VPS13A: variants seen among roughly 807,000 people sequenced by gnomAD.
The protein encoded by VPS13A is vacuolar protein sorting 13 homolog A.
In VPS13A, 264 loss-of-function variants were observed where a neutral mutation model predicts 390.9. That is an observed-to-expected ratio of 0.68 (90% CI 0.61 to 0.75). VPS13A has a LOEUF of 0.75. Ranked by LOEUF, VPS13A falls within the 30% of genes least tolerant of loss-of-function variation. VPS13A has a pLI of 0.00. For missense variants in VPS13A, 3,409 were observed against 3,733.9 expected (o/e 0.91, Z 2.27); for synonymous variants, 1,231 against 1,227.1 (o/e 1.00, Z -0.07).
At chr9:77,353,156 A>G (rs995455559) in intron 53 of VPS13A, among the ~76,000 whole-genome samples, 3 of 152,110 alleles carry the variant, frequency 2.0e-5, no homozygotes, top group Non-Finnish European at 2.9e-5. Context: ...TTTTATTAAA[A>G]TGTTTAAATT....
chr9:77,206,687 T>C (rs1391156626), intron 5 of VPS13A, among the ~76,000 whole-genome samples: 3 of 152,196 alleles, frequency 2.0e-5, no homozygotes, highest in Non-Finnish European at 2.9e-5. Context: ...ACCTAGTGGG[T>C]TTTTTGCCTT....
chr9:77,225,166 GT>G (rs1335037736), intron 13 of VPS13A, among the ~76,000 whole-genome samples: 1 of 152,194 alleles, frequency 6.6e-6, no homozygotes, highest in Non-Finnish European at 1.5e-5. Context: ...TTGCCATACT[GT>G]GGTGATCTGG....
chr9:77,384,858 G>GTATC, intron 68 of VPS13A: 3 of 1,436,244 alleles, frequency 2.1e-6, no homozygotes, highest in South Asian at 3.0e-5. Context: ...AGAAAAAAAT[G>GTATC]TATCTTACAT....
At chr9:77,333,133 T>G (rs888361184) in intron 46 of VPS13A, among the ~76,000 whole-genome samples, 1 of 152,202 alleles carries the variant, frequency 6.6e-6, no homozygotes, top group Non-Finnish European at 1.5e-5. Flanking sequence ...GCATGTAAGA[T>G]ATATTTAAAA....
chr9:77,188,868 G>GT (rs1420344293), intron 1 of VPS13A, among the ~76,000 whole-genome samples: 1 of 151,996 alleles, frequency 6.6e-6, no homozygotes, highest in African/African-American at 2.4e-5. Flanking sequence ...CTAATGATTA[G>GT]TGATGTTGAG....
intron 60 of VPS13A, among the ~76,000 whole-genome samples, chr9:77,366,469 A>G (rs1336994464): frequency 1.3e-5 from 2 of 152,020 alleles, no homozygotes; most frequent in African/African-American, 4.8e-5. Flanking sequence ...ATAAAAATTA[A>G]TATTTTCTTA....
At chr9:77,323,880 T>C (rs1829873243) in intron 45 of VPS13A, among the ~76,000 whole-genome samples, 1 of 145,288 alleles carries the variant, frequency 6.9e-6, no homozygotes, top group African/African-American at 2.5e-5. Context: ...CAGTTACTTG[T>C]TGTTGCTCAG....
intron 23 of VPS13A, among the ~76,000 whole-genome samples, 192 bp downstream of exon 23, chr9:77,260,416 C>T (rs1451851059): frequency 1.5e-5 from 2 of 135,358 alleles, no homozygotes; most frequent in African/African-American, 2.8e-5. Flanking sequence ...AGTGCAGTGG[C>T]GTGATCTCTG....
intron 35 of VPS13A, 82 bp from the exon 36 acceptor site, chr9:77,313,910 C>T: frequency 1.5e-6 from 2 of 1,358,518 alleles, no homozygotes; most frequent in Admixed American, 2.0e-5. Context: ...TTTAATAATT[C>T]TATTAAATCT....
At chr9:77,207,897 T>G (rs550001477) in intron 5 of VPS13A, among the ~76,000 whole-genome samples, 4 of 152,328 alleles carry the variant, frequency 2.6e-5, no homozygotes, top group African/African-American at 7.2e-5. Context: ...AAACTCATCT[T>G]GTGTTTTGTT....
In VPS13A at chr9:77,221,215, A is replaced by G. The variant is rs76751358; in HGVS notation, c.1020A>G (p.Glu340=). 8.3e-3 allele frequency: 13,369 copies of G among 1,613,456 alleles called. 544 individuals are homozygous for G. The East Asian group carries it at 0.12, about 15-fold the overall frequency. The change falls in exon 13 of 72, where the codon GAA becomes GAG. Residue 340 remains glutamate, a synonymous_variant. Coordinates refer to ENST00000360280, the MANE Select transcript of VPS13A (RefSeq NM_033305.3). ...CTTATGCTATACATGGCGTTCTTGA[A>G]GTAAATGTTTGCCCCAGGTTATGGA... is the stretch of plus-strand genomic sequence containing the variant. ...WWAYAIHGVL[E]VNVCPRLWMW... is the part of the protein sequence containing the mutation.
Position 77,261,671 on chromosome 9 carries a change from G to A in VPS13A, c.2427+1447G>A, listed in dbSNP as rs142927217. On this transcript the variant is annotated intron_variant, in intron 23 of 71. Transcript: ENST00000360280. ...ACAACCTTGGCTCACTGCAACCTCC[G>A]TCTCCCAGGTTCAAGCGGTTGTCCC... Among the ~76,000 whole-genome samples, 39 of 151,456 alleles carry A rather than the reference G, an allele frequency of 2.6e-4. No individual in the cohort carries two copies. The East Asian group carries it at 4.7e-3, about 18-fold the overall frequency.
intron 1 of VPS13A, among the ~76,000 whole-genome samples, chr9:77,196,905 T>C (rs560494811): frequency 6.6e-6 from 1 of 152,316 alleles, no homozygotes; most frequent in East Asian, 1.9e-4. Flanking sequence ...TTAAATTTTT[T>C]GAAGAACTTC....
At position 77,252,264 on chromosome 9, in the gene VPS13A, A is replaced by C; in HGVS notation, c.2200A>C (p.Ser734Arg). The change falls in exon 22 of 72, where the codon AGT (serine) becomes CGT (arginine). Residue 734 changes from serine to arginine, a missense_variant. Ser to Arg is a moderately radical substitution (Grantham distance 110). This residue lies in a region of VPS13A where 2,717 missense variants were observed against 2,917.4 expected (regional missense o/e 0.93). Transcript: ENST00000360280. Reference protein sequence around the residue: ...GDNWREARKLSVSTQHILVPM... With the variant: ...GDNWREARKLRVSTQHILVPM... ...TAATTGGAGAGAAGCACGAAAACTC[A>C]GTGTATCTACCCAGCATATTTTGGT... The C allele has an allele frequency of 6.2e-7, 1 of 1,614,044 alleles. No homozygotes were observed. The highest frequency in any genetic ancestry group is 8.5e-7 in the Non-Finnish European group (1 of 1,179,900).
At position 77,238,023 on chromosome 9, in the gene VPS13A, A is replaced by G. The variant is rs780368971; in HGVS notation, c.1617A>G (p.Ser539=). The part of the protein sequence containing the change: ...QAIKFETKID[S]FHITGLPDNS... ...GCAGATTTGAAACTAAAATAGATTC[A>G]TTTCATATTACTGGCTTACCAGATA... Residue 539 remains serine, a synonymous_variant, in exon 18 of 72, where the codon TCA becomes TCG. Coordinates refer to ENST00000360280, the MANE Select transcript of VPS13A (RefSeq NM_033305.3). 4 of 1,611,546 alleles carry G rather than the reference A, an allele frequency of 2.5e-6. No homozygotes were observed. The highest frequency in any genetic ancestry group is 3.4e-6 in the Non-Finnish European group (4 of 1,178,368).
intron 1 of VPS13A, among the ~76,000 whole-genome samples, chr9:77,191,719 A>T (rs538105587): frequency 2.0e-5 from 3 of 152,132 alleles, no homozygotes; most frequent in Non-Finnish European, 2.9e-5. Flanking sequence ...ATTGTTACCT[A>T]TTTTTATTGC....
intron 2 of VPS13A, 84 bp from the exon 3 acceptor site, chr9:77,201,281 A>G: frequency 1.1e-6 from 1 of 923,598 alleles, no homozygotes; most frequent in Admixed American, 2.1e-5. Flanking sequence ...CCTTGAAATA[A>G]TTTTTGGAAG....
At chr9:77,192,044 G>A (rs1007994656) in intron 1 of VPS13A, among the ~76,000 whole-genome samples, 1 of 152,102 alleles carries the variant, frequency 6.6e-6, no homozygotes, top group African/African-American at 2.4e-5. Context: ...GGGTATATAC[G>A]TATTTAGGAT....
At chr9:77,183,245 G>A (rs867774597) in intron 1 of VPS13A, among the ~76,000 whole-genome samples, 1 of 152,068 alleles carries the variant, frequency 6.6e-6, no homozygotes, top group Non-Finnish European at 1.5e-5. Context: ...TAAAATACAC[G>A]TTAAAGTCTA....
Sources: gnomAD v4.1 joint callset for allele counts (sites outside exome capture counted in the v4.1 genomes callset) on GRCh38, gnomAD v4.1.1 for gene constraint, gnomAD v4.1.1 regional missense constraint, MANE v1.5 for transcripts, NCBI Gene and HGNC (gene_info 2026-07-23, HGNC 2026-07-21) for gene names.